The following CHST9 variants were observed in gnomAD, a reference collection of about 807,000 sequenced individuals.
The protein encoded by CHST9 is carbohydrate sulfotransferase 9, also known as GalNAc-4-sulfotransferase 2.
Under a neutral mutation model 44.4 loss-of-function variants are expected in CHST9, and 41 were observed. That is an observed-to-expected ratio of 0.92 (90% CI 0.72 to 1.20). The LOEUF (loss-of-function observed/expected upper bound fraction) is 1.20. Ranked by LOEUF, CHST9 falls within the 50% of genes most tolerant of loss-of-function variation. The pLI, the probability that CHST9 is intolerant of heterozygous loss-of-function variation, is 0.00. For synonymous variants in CHST9, 171 were observed against 178.4 expected (o/e 0.96, Z 0.33); for missense variants, 504 against 516.5 (o/e 0.98, Z 0.23).
intron 1 of CHST9, among the ~76,000 whole-genome samples, chr18:27,179,954 T>C (rs1449251046): frequency 6.6e-6 from 1 of 152,134 alleles, no homozygotes; most frequent in African/African-American, 2.4e-5. Context: ...CATGGAAATG[T>C]TCCAGAAAGT....
At chr18:27,097,316 T>A (rs2058126842) in intron 2 of CHST9, among the ~76,000 whole-genome samples, 2 of 152,088 alleles carry the variant, frequency 1.3e-5, no homozygotes. Context: ...TTGGAACCAT[T>A]TCCGTGGAGA....
At chr18:27,099,648 A>C (rs1254207272) in intron 2 of CHST9, among the ~76,000 whole-genome samples, 1 of 152,186 alleles carries the variant, frequency 6.6e-6, no homozygotes, top group Non-Finnish European at 1.5e-5. Context: ...AATGCAAATC[A>C]AAACCATTAT....
At chr18:26,929,949 G>A (rs2055846781) in intron 5 of CHST9, among the ~76,000 whole-genome samples, 1 of 152,160 alleles carries the variant, frequency 6.6e-6, no homozygotes, top group Non-Finnish European at 1.5e-5. Flanking sequence ...AGCCACCTGA[G>A]TCCTGGGAGC....
At chr18:27,175,451 G>T (rs1178332471) in intron 1 of CHST9, among the ~76,000 whole-genome samples, 1 of 152,000 alleles carries the variant, frequency 6.6e-6, no homozygotes, top group African/African-American at 2.4e-5. Context: ...ATTTTGGGGG[G>T]TGTAAGAAAT....
intron 5 of CHST9, among the ~76,000 whole-genome samples, chr18:26,939,958 A>C (rs1305791718): frequency 1.3e-5 from 2 of 152,094 alleles, no homozygotes; most frequent in Non-Finnish European, 2.9e-5. Flanking sequence ...AGCAGAGGGG[A>C]AGGTAGAAGT....
intron 2 of CHST9, among the ~76,000 whole-genome samples, chr18:27,086,073 C>T (rs2058009383): frequency 6.6e-6 from 1 of 152,080 alleles, no homozygotes; most frequent in Non-Finnish European, 1.5e-5. Flanking sequence ...ACACTGAGTA[C>T]ACATAGACAC....
chr18:26,988,572 A>G (rs926470103), intron 4 of CHST9, among the ~76,000 whole-genome samples: 7 of 152,174 alleles, frequency 4.6e-5, no homozygotes, highest in Admixed American at 2.6e-4. Context: ...GGCACCATTG[A>G]AAAATAGTCA....
chr18:26,917,186 T>C lies in CHST9; in HGVS notation c.405A>G (p.Lys135=). ...TGSPTEKLIE[K]RQGAKTVFNK... ...TAAAAACAGTCTTAGCTCCTTGACG[T>C]TTTTCAATCAACTTCTCTGTTGGTG... The change falls in exon 6 of 6, where the codon AAA becomes AAG. Residue 135 remains lysine, a synonymous_variant. Transcript: ENST00000618847. 1 of 1,613,922 alleles carries C rather than the reference T, an allele frequency of 6.2e-7. No individual in the cohort carries two copies. The highest frequency in any genetic ancestry group is 8.5e-7 in the Non-Finnish European group (1 of 1,179,872).
At chr18:26,963,932 A>G (rs1428606186) in intron 4 of CHST9, among the ~76,000 whole-genome samples, 1 of 152,216 alleles carries the variant, frequency 6.6e-6, no homozygotes, top group Non-Finnish European at 1.5e-5. Flanking sequence ...TGTTATATGC[A>G]TTATCTCTTT....
chr18:27,048,563 A>G, intron 2 of CHST9, 60 bp from the exon 3 acceptor site: 1 of 1,413,462 alleles, frequency 7.1e-7, no homozygotes, highest in Non-Finnish European at 9.8e-7. Context: ...GATGAAAATA[A>G]GATGAAAGCC....
chr18:27,030,710 C>T (rs1462973921), intron 3 of CHST9, among the ~76,000 whole-genome samples: 5 of 152,136 alleles, frequency 3.3e-5, no homozygotes, highest in South Asian at 2.1e-4. Flanking sequence ...GAATCATATT[C>T]GGGGAGTGTC....
intron 2 of CHST9, among the ~76,000 whole-genome samples, chr18:27,087,566 C>T (rs1248520578): frequency 6.6e-6 from 1 of 152,212 alleles, no homozygotes; most frequent in Non-Finnish European, 1.5e-5. Context: ...TGTACTAGAT[C>T]CTGTTTTGCA....
At chr18:27,184,624 T>A (rs2058941195) in intron 1 of CHST9, among the ~76,000 whole-genome samples, 1 of 151,128 alleles carries the variant, frequency 6.6e-6, no homozygotes, top group Non-Finnish European at 1.5e-5. Flanking sequence ...GGTCGCGGAG[T>A]TTGAGACTGA....
chr18:27,164,305 A>G (rs1208934044), intron 1 of CHST9, among the ~76,000 whole-genome samples: 1 of 150,828 alleles, frequency 6.6e-6, no homozygotes, highest in Non-Finnish European at 1.5e-5. Context: ...TTTAATAAAA[A>G]GACAAGAAAT....
chr18:27,007,073 C>T (rs12963568), intron 4 of CHST9, among the ~76,000 whole-genome samples: 2 of 152,196 alleles, frequency 1.3e-5, no homozygotes, highest in African/African-American at 4.8e-5. Context: ...GCAATCCCCA[C>T]TCTGGTATCA....
intron 2 of CHST9, among the ~76,000 whole-genome samples, chr18:27,085,038 A>G (rs1457154691): frequency 2.0e-5 from 3 of 151,948 alleles, no homozygotes; most frequent in African/African-American, 4.8e-5. Flanking sequence ...TTCTTATCTT[A>G]TTGGGAATTG....
Position 26,931,230 on chromosome 18 carries a change from A to C in CHST9, c.240+13099T>G, listed in dbSNP as rs185475583. 5.3e-5 allele frequency among the ~76,000 whole-genome samples: 8 copies of C among 152,288 alleles called. No homozygotes were observed. The East Asian group carries it at 1.5e-3, about 29-fold the overall frequency. On this transcript the variant is annotated intron_variant, in intron 5 of 5. Coordinates refer to ENST00000618847, the MANE Select transcript of CHST9 (RefSeq NM_031422.6). ...CCCCTTCCCTCACTACAATTCTGTA[A>C]TCTGCACCTTGGGAGGAACAAACAC...
intron 2 of CHST9, among the ~76,000 whole-genome samples, chr18:27,094,496 T>C (rs1342785599): frequency 1.3e-5 from 2 of 152,204 alleles, no homozygotes; most frequent in Non-Finnish European, 2.9e-5. Flanking sequence ...ATTACCAAAT[T>C]GTTAAAGAGA....
chr18:27,007,546 G>A (rs374569312), intron 4 of CHST9, among the ~76,000 whole-genome samples: 1 of 152,196 alleles, frequency 6.6e-6, no homozygotes, highest in Non-Finnish European at 1.5e-5. Context: ...AGGAGGGAAA[G>A]AGGATAGATT....
Sources: allele counts gnomAD v4.1 joint callset (sites outside exome capture counted in the v4.1 genomes callset), GRCh38; gene constraint gnomAD v4.1.1; transcripts MANE v1.5; gene names NCBI Gene and HGNC (gene_info 2026-07-23, HGNC 2026-07-21).